Variants in MAGI1 observed in about 807,000 individuals in gnomAD.
The protein encoded by MAGI1 is membrane-associated guanylate kinase, WW and PDZ domain-containing protein 1.
Under a neutral mutation model 139.9 loss-of-function variants are expected in MAGI1, and 58 were observed. The observed-to-expected ratio is 0.41, with a 90% CI of 0.34 to 0.52. The LOEUF (loss-of-function observed/expected upper bound fraction) is 0.52. Among genes scored for constraint, MAGI1 ranks in the 20% least tolerant of loss-of-function variants. The pLI is 0.12. For missense variants in MAGI1, 1,874 were observed against 1,901.6 expected (o/e 0.99, Z 0.27); for synonymous variants, 812 against 737.9 (o/e 1.10, Z -1.63).
At chr3:65,798,292 A>G (rs914627860) in intron 1 of MAGI1, among the ~76,000 whole-genome samples, 2 of 152,132 alleles carry the variant, frequency 1.3e-5, no homozygotes, top group African/African-American at 4.8e-5. Context: ...CAACAAAGCG[A>G]GACTCCATCT....
At chr3:65,795,698 C>CACACACACACACAT (rs1174085777) in intron 1 of MAGI1, among the ~76,000 whole-genome samples, 1 of 136,904 alleles carries the variant, frequency 7.3e-6, no homozygotes, top group African/African-American at 2.6e-5. Flanking sequence ...TGATAAGATA[C>CACACACACACACAT]ACACACACAC....
At chr3:65,713,542 G>T (rs1294967742) in intron 1 of MAGI1, among the ~76,000 whole-genome samples, 1 of 152,126 alleles carries the variant, frequency 6.6e-6, no homozygotes, top group Non-Finnish European at 1.5e-5. Context: ...TCAGACAGAA[G>T]CCTAAGCCCC....
At chr3:65,440,103 C>T in intron 8 of MAGI1, 91 bp from the exon 9 acceptor site, 1 of 1,423,520 alleles carries the variant, frequency 7.0e-7, no homozygotes, top group Non-Finnish European at 9.8e-7. Flanking sequence ...TCAAACTGAG[C>T]AGAGCAGGTG....
At chr3:65,838,565 A>G (rs1044355032) in intron 1 of MAGI1, among the ~76,000 whole-genome samples, 1 of 152,220 alleles carries the variant, frequency 6.6e-6, no homozygotes, top group African/African-American at 2.4e-5. Context: ...GTATATCAAT[A>G]GTTTGTTCCT....
chr3:65,553,350 T>G (rs2079938773), intron 2 of MAGI1, among the ~76,000 whole-genome samples: 1 of 152,188 alleles, frequency 6.6e-6, no homozygotes, highest in Non-Finnish European at 1.5e-5. Flanking sequence ...TCATGTTCAT[T>G]TATTTTTTAA....
intron 20 of MAGI1, among the ~76,000 whole-genome samples, chr3:65,364,165 TAAAAAAAAAAAAAAAAA>T (rs555186167): frequency 1.1e-5 from 1 of 89,422 alleles, no homozygotes; most frequent in Non-Finnish European, 2.1e-5. Context: ...CCCTGTCTCT[TAAAAAAAAAAAAAAAAA>T]AAAAAAAAAA....
At chr3:65,713,661 G>T (rs188340580) in intron 1 of MAGI1, among the ~76,000 whole-genome samples, 1 of 152,020 alleles carries the variant, frequency 6.6e-6, no homozygotes, top group Non-Finnish European at 1.5e-5. Flanking sequence ...TCAAGTCCTG[G>T]CTCCATTACT....
chr3:65,737,170 A>AT (rs1432581236), intron 1 of MAGI1, among the ~76,000 whole-genome samples: 2 of 151,978 alleles, frequency 1.3e-5, no homozygotes, highest in Non-Finnish European at 2.9e-5. Flanking sequence ...CGCCTGGCTA[A>AT]TTTTTTGTAT....
intron 1 of MAGI1, among the ~76,000 whole-genome samples, chr3:65,700,181 C>T (rs1414151976): frequency 6.6e-6 from 1 of 152,150 alleles, no homozygotes; most frequent in Non-Finnish European, 1.5e-5. Context: ...CGGTGACTCA[C>T]GTCTGTAATT....
chr3:65,741,443 G>A (rs2035260342), intron 1 of MAGI1, among the ~76,000 whole-genome samples: 1 of 152,152 alleles, frequency 6.6e-6, no homozygotes, highest in Non-Finnish European at 1.5e-5. Context: ...CAAAGTGCTG[G>A]GATTACAGGC....
chr3:65,864,880 G>T (rs1249142588), intron 1 of MAGI1, among the ~76,000 whole-genome samples: 2 of 152,188 alleles, frequency 1.3e-5, no homozygotes, highest in Non-Finnish European at 2.9e-5. Flanking sequence ...TTTAAAGGCT[G>T]GCAGGGATAA....
In MAGI1 at chr3:65,383,580, C is replaced by A. The variant is rs750716620; in HGVS notation, c.2460G>T (p.Glu820Asp). Residue 820 changes from glutamate (E) to aspartate (D), a missense_variant, in exon 15 of 23, where the codon GAG (glutamate) becomes GAT (aspartate). This residue lies in a region of MAGI1 where 482 missense variants were observed against 509.6 expected (regional missense o/e 0.95). Transcript: ENST00000402939. ...QEQDIFLWRKETGFGFRILGG... is the reference protein window; with the variant it reads ...QEQDIFLWRKDTGFGFRILGG... The stretch of plus-strand genomic sequence containing the variant: ...CCAGAATCCTAAATCCAAATCCAGT[C>A]TCTTTTCTCCAGAGGAAGATGTCCT... 1.9e-6 allele frequency: 3 copies of A among 1,614,036 alleles called. No homozygotes were observed. In the South Asian group the frequency reaches 3.3e-5, roughly 18 times the overall value.
chr3:65,729,036 A>G (rs531119396), intron 1 of MAGI1, among the ~76,000 whole-genome samples: 10 of 146,744 alleles, frequency 6.8e-5, no homozygotes, highest in East Asian at 4.2e-4. Flanking sequence ...AAAAATTTGG[A>G]CCTGGCATGG....
chr3:65,737,551 A>G (rs2034876077), intron 1 of MAGI1, among the ~76,000 whole-genome samples: 1 of 152,230 alleles, frequency 6.6e-6, no homozygotes, highest in South Asian at 2.1e-4. Flanking sequence ...CATTGTTCCA[A>G]TACAGGAAAG....
intron 1 of MAGI1, among the ~76,000 whole-genome samples, chr3:65,859,709 A>G (rs1243446175): frequency 2.6e-4 from 39 of 151,090 alleles, no homozygotes; most frequent in Non-Finnish European, 4.4e-5. Flanking sequence ...TGACAGAGCA[A>G]GACTCCATCT....
chr3:65,878,954 C>G (rs993424643), intron 1 of MAGI1, among the ~76,000 whole-genome samples: 2 of 152,156 alleles, frequency 1.3e-5, no homozygotes, highest in African/African-American at 2.4e-5. Context: ...TCATTCAGCC[C>G]GCCTGACTTC....
intron 3 of MAGI1, among the ~76,000 whole-genome samples, chr3:65,482,059 T>C (rs940070171): frequency 6.6e-6 from 1 of 152,318 alleles, no homozygotes. Context: ...GCAATTTCAC[T>C]GGCTTTAATC....
rs60686455 is a variant in MAGI1 at position 65,637,556 on chromosome 3, AAAAGAAAGAAAGAAAGAAAG to A, written c.314-15488_314-15469del. Among the ~76,000 whole-genome samples the A allele has an allele frequency of 5.3e-3, 680 of 127,974 alleles. 6 individuals carry two copies. The highest frequency in any genetic ancestry group is 0.035 in the East Asian group (153 of 4,346). The allele number at this position is 127,974 out of a possible 152,430, so 84.0% of individuals were successfully genotyped here. ...GTGACATTGAGACCCTGTCTCCAAA[AAAAGAAAGAAAGAAAGAAAG>A]AAAGAAAGAAAGAAAGAAAGAAAGA... On this transcript the variant is annotated intron_variant, in intron 1 of 22. Coordinates refer to ENST00000402939, the MANE Select transcript of MAGI1 (RefSeq NM_001033057.2).
chr3:65,489,315 C>T (rs530313687), intron 3 of MAGI1, among the ~76,000 whole-genome samples: 1 of 152,220 alleles, frequency 6.6e-6, no homozygotes, highest in East Asian at 1.9e-4. Context: ...TACATCATAT[C>T]CCTTGCCTCA....
Sources: allele counts gnomAD v4.1 joint callset (sites outside exome capture counted in the v4.1 genomes callset), GRCh38; gene constraint gnomAD v4.1.1; regional missense constraint gnomAD v4.1.1; transcripts MANE v1.5; gene names NCBI Gene and HGNC (gene_info 2026-07-23, HGNC 2026-07-21).